Variants in ARHGEF26 observed in about 807,000 individuals in gnomAD.
The protein encoded by ARHGEF26 is Rho guanine nucleotide exchange factor (GEF) 26.
A neutral mutation model predicts 89.4 loss-of-function variants in ARHGEF26; 59 were observed. The ratio of observed to expected loss-of-function variants is 0.66; its 90% confidence interval spans 0.54 to 0.82. The LOEUF (loss-of-function observed/expected upper bound fraction) is 0.82, where lower values mean the gene tolerates loss of function less well. Ranked by LOEUF, ARHGEF26 falls within the 40% of genes least tolerant of loss-of-function variation. ARHGEF26 has a pLI of 0.00. For synonymous variants in ARHGEF26, 500 were observed against 428.4 expected (o/e 1.17, Z -2.06); for missense variants, 1,234 against 1,085.6 (o/e 1.14, Z -1.92).
chr3:154,207,642 TTGG>T (rs1715107536), intron 9 of ARHGEF26, among the ~76,000 whole-genome samples: 1 of 152,192 alleles, frequency 6.6e-6, no homozygotes, highest in African/African-American at 2.4e-5. Flanking sequence ...TTTTACACTA[TTGG>T]TGGGAGTGTA....
intron 11 of ARHGEF26, among the ~76,000 whole-genome samples, chr3:154,234,412 C>T (rs1007092177): frequency 1.3e-4 from 20 of 152,086 alleles, no homozygotes; most frequent in Non-Finnish European, 1.0e-4. Context: ...CAAGGCAGGC[C>T]GTTAAAGGTC....
chr3:154,160,564 C>G (rs1711593957), intron 6 of ARHGEF26, among the ~76,000 whole-genome samples: 1 of 152,036 alleles, frequency 6.6e-6, no homozygotes, highest in Non-Finnish European at 1.5e-5. Flanking sequence ...CCTGAAAAAC[C>G]TGAGATGGTT....
intron 9 of ARHGEF26, among the ~76,000 whole-genome samples, chr3:154,209,725 C>T (rs1715247291): frequency 6.6e-6 from 1 of 152,158 alleles, no homozygotes; most frequent in South Asian, 2.1e-4. Flanking sequence ...TGCTGGATCT[C>T]GCTCAAGGTC....
chr3:154,155,390 A>G (rs1319098120), intron 6 of ARHGEF26, among the ~76,000 whole-genome samples: 1 of 152,152 alleles, frequency 6.6e-6, no homozygotes, highest in South Asian at 2.1e-4. Flanking sequence ...GTTAACATGT[A>G]AGATTGGCTT....
intron 13 of ARHGEF26, 43 bp downstream of exon 13, chr3:154,253,226 G>A: frequency 6.2e-7 from 1 of 1,609,568 alleles, no homozygotes; most frequent in Non-Finnish European, 8.5e-7. Context: ...ACATGGATGG[G>A]CTCTGCCCCC....
rs1394524965 is a variant in ARHGEF26 at position 154,122,722 on chromosome 3, A to G, written c.730A>G (p.Lys244Glu). 1 of 1,613,504 alleles carries G rather than the reference A, an allele frequency of 6.2e-7. No homozygotes were observed. Among genetic ancestry groups the G allele is most frequent in the Non-Finnish European group, 8.5e-7 (1 of 1,179,658 alleles). The change falls in exon 2 of 15, where the codon AAA becomes GAA. Residue 244 changes from lysine (K) to glutamate (E), a missense_variant. Transcript: ENST00000465093. ...VLSTNSPAALKVGKQQIIPKS... is the reference protein window; with the variant it reads ...VLSTNSPAALEVGKQQIIPKS... ...GAGTACAAACAGCCCCGCCGCCCTC[A>G]AAGTGGGGAAGCAGCAGATCATTCC...
Position 154,193,940 on chromosome 3 carries a change from C to A in ARHGEF26, c.1771-704C>A, listed in dbSNP as rs1027447266. Among the ~76,000 whole-genome samples, 13 of 151,694 alleles carry A rather than the reference C, an allele frequency of 8.6e-5. 1 individual carries two copies. The highest frequency in any genetic ancestry group is 2.2e-4 in the African/African-American group (9 of 41,258). ...ACCTCCACCTCCCAGGCTCAAGTGA[C>A]CCTCCCACCTTAGCCTCCTGAGTAG... is the stretch of plus-strand genomic sequence containing the variant. On this transcript the variant is annotated intron_variant, in intron 8 of 14. Transcript: ENST00000465093.
chr3:154,194,787 C>A, intron 9 of ARHGEF26, 69 bp downstream of exon 9: 1 of 1,373,102 alleles, frequency 7.3e-7, no homozygotes, highest in Non-Finnish European at 1.0e-6. Context: ...CAAAGTGTGT[C>A]TTGGCTTGAT....
intron 11 of ARHGEF26, among the ~76,000 whole-genome samples, chr3:154,231,826 G>A (rs890979704): frequency 2.0e-5 from 3 of 151,698 alleles, no homozygotes; most frequent in African/African-American, 7.3e-5. Flanking sequence ...CGGCAAGTGA[G>A]TGAGGAAAAA....
intron 4 of ARHGEF26, among the ~76,000 whole-genome samples, chr3:154,131,956 A>G (rs1054589482): frequency 6.6e-5 from 10 of 152,374 alleles, no homozygotes; most frequent in South Asian, 6.2e-4. Flanking sequence ...TATTGATATC[A>G]TAGAACTATC....
chr3:154,220,882 A>G (rs1263425413), intron 10 of ARHGEF26, among the ~76,000 whole-genome samples: 1 of 152,182 alleles, frequency 6.6e-6, no homozygotes, highest in Non-Finnish European at 1.5e-5. Context: ...TGAAAAGGCA[A>G]ATAGCAAACT....
At chr3:154,124,505 T>C (rs1718207368) in intron 3 of ARHGEF26, 56 bp downstream of exon 3, 2 of 1,448,622 alleles carry the variant, frequency 1.4e-6, no homozygotes, top group African/African-American at 1.5e-5. Context: ...ATACCAATTA[T>C]AAGTTGAAAT....
chr3:154,156,840 T>C (rs1403157927), intron 6 of ARHGEF26, among the ~76,000 whole-genome samples: 1 of 152,234 alleles, frequency 6.6e-6, no homozygotes, highest in Non-Finnish European at 1.5e-5. Flanking sequence ...CTGAATTAGA[T>C]ATTACAGAGT....
At chr3:154,171,785 A>G (rs1016014846) in intron 6 of ARHGEF26, among the ~76,000 whole-genome samples, 1 of 152,132 alleles carries the variant, frequency 6.6e-6, no homozygotes, top group South Asian at 2.1e-4. Flanking sequence ...GAAAGAGATT[A>G]TTGGAGAAAG....
At chr3:154,133,565 TTG>T (rs1033909832) in intron 4 of ARHGEF26, among the ~76,000 whole-genome samples, 2 of 151,698 alleles carry the variant, frequency 1.3e-5, no homozygotes, top group Non-Finnish European at 2.9e-5. Context: ...TTCCATTGGT[TTG>T]TGTGTCTGTT....
intron 4 of ARHGEF26, among the ~76,000 whole-genome samples, chr3:154,140,414 A>G (rs1265772164): frequency 1.3e-5 from 2 of 152,168 alleles, no homozygotes; most frequent in East Asian, 1.9e-4. Flanking sequence ...AGATGGATAC[A>G]TGTACCTAGG....
At position 154,230,678 on chromosome 3, in the gene ARHGEF26, T is replaced by A. The variant is rs193112687; in HGVS notation, c.2090+4668T>A. On this transcript the variant is annotated intron_variant, in intron 11 of 14. Coordinates refer to ENST00000465093, the MANE Select transcript of ARHGEF26 (RefSeq NM_015595.4). ...TTTCCCTTTGTTAACATTTCCTTCCTGCAGACATTTAAGACAGGAGATTTC... is the reference window on the plus strand; with the variant it reads ...TTTCCCTTTGTTAACATTTCCTTCCAGCAGACATTTAAGACAGGAGATTTC... 6.7e-3 allele frequency among the ~76,000 whole-genome samples: 1,026 copies of A among 152,312 alleles called. 10 individuals are homozygous for A. Among genetic ancestry groups the A allele is most frequent in the Non-Finnish European group, 8.2e-3 (557 of 68,024 alleles).
At chr3:154,134,895 A>T (rs1718910724) in intron 4 of ARHGEF26, among the ~76,000 whole-genome samples, 2 of 152,080 alleles carry the variant, frequency 1.3e-5, no homozygotes, top group Non-Finnish European at 2.9e-5. Context: ...TGATTTGTGC[A>T]TGTTGAACCA....
At chr3:154,184,896 T>G (rs1279865462) in intron 6 of ARHGEF26, among the ~76,000 whole-genome samples, 4 of 152,214 alleles carry the variant, frequency 2.6e-5, no homozygotes, top group African/African-American at 7.2e-5. Context: ...CTCTGCAGTC[T>G]TCTTTCTGTG....
Sources: gnomAD v4.1 joint callset for allele counts (sites outside exome capture counted in the v4.1 genomes callset) on GRCh38, gnomAD v4.1.1 for gene constraint, MANE v1.5 for transcripts, NCBI Gene and HGNC (gene_info 2026-07-23, HGNC 2026-07-21) for gene names.